ABTB2: variants seen among roughly 807,000 people sequenced by gnomAD.
ABTB2 encodes ankyrin repeat and BTB domain containing 2, also known as ankyrin repeat and BTB/POZ domain-containing protein 2.
ABTB2 carries 56 observed loss-of-function variants against 104.1 expected under a neutral mutation model. The observed-to-expected ratio is 0.54, with a 90% confidence interval of 0.43 to 0.67. ABTB2 has a LOEUF of 0.67. Among genes scored for constraint, ABTB2 ranks in the 30% least tolerant of loss-of-function variants. ABTB2 has a pLI of 0.00. For synonymous variants in ABTB2, 606 were observed against 608.2 expected (o/e 1.00, Z 0.05); for missense variants, 1,279 against 1,407.7 (o/e 0.91, Z 1.46).
chr11:34,163,568 C>G (rs1852753104), intron 9 of ABTB2, among the ~76,000 whole-genome samples: 1 of 152,176 alleles, frequency 6.6e-6, no homozygotes, highest in African/African-American at 2.4e-5. Context: ...GCCTGGGGCT[C>G]TGGGATGGAT....
intron 1 of ABTB2, among the ~76,000 whole-genome samples, chr11:34,347,515 T>A (rs575121320): frequency 6.6e-6 from 1 of 152,320 alleles, no homozygotes; most frequent in African/African-American, 2.4e-5. Flanking sequence ...GTGTATGTAT[T>A]TTTGCAATAT....
In ABTB2 at chr11:34,254,670, C is replaced by CTTT. The variant is rs57784717; in HGVS notation, c.884-49983_884-49981dup. The stretch of plus-strand genomic sequence containing the variant: ...AAATAAGGCCAGTGAATATTAGAAA[C>CTTT]TTTTTTTTTTTTTTTTTTTGAGACA... On this transcript the variant is annotated intron_variant, in intron 1 of 16. Transcript: ENST00000435224. Among the ~76,000 whole-genome samples the CTTT allele has an allele frequency of 2.2e-3, 286 of 127,658 alleles. 3 individuals are homozygous for CTTT. The highest frequency in any genetic ancestry group is 4.0e-3 in the South Asian group (15 of 3,792). 83.7% of individuals were successfully genotyped at this position (127,658 alleles called of 152,430 possible). A position where few individuals can be genotyped will look rare whatever the true frequency, so the allele number is the denominator to read the frequency against.
intron 7 of ABTB2, among the ~76,000 whole-genome samples, chr11:34,165,793 C>T (rs1347011587): frequency 6.6e-6 from 1 of 152,244 alleles, no homozygotes. Context: ...TAACCCCGAG[C>T]AGGTACTTCA....
chr11:34,295,022 A>C (rs1048931320), intron 1 of ABTB2, among the ~76,000 whole-genome samples: 4 of 152,088 alleles, frequency 2.6e-5, no homozygotes, highest in Non-Finnish European at 4.4e-5. Context: ...CCTCTACAAA[A>C]ACAATTTAAA....
chr11:34,268,793 GA>G (rs11348441), intron 1 of ABTB2, among the ~76,000 whole-genome samples: 16,980 of 152,100 alleles, frequency 0.11, 1,121 homozygotes, highest in Admixed American at 0.21. Flanking sequence ...TCGTCTGCTA[GA>G]CACAGCCCTC....
At chr11:34,296,523 AG>A (rs1854624772) in intron 1 of ABTB2, among the ~76,000 whole-genome samples, 2 of 152,224 alleles carry the variant, frequency 1.3e-5, no homozygotes, top group African/African-American at 4.8e-5. Flanking sequence ...AGTCAGATAA[AG>A]GACAGGACCA....
chr11:34,352,728 A>G (rs1237444520), intron 1 of ABTB2, among the ~76,000 whole-genome samples: 1 of 152,222 alleles, frequency 6.6e-6, no homozygotes, highest in South Asian at 2.1e-4. Context: ...TAGAATGGTT[A>G]AGAAAATTGC....
rs761932932 is a variant in ABTB2 at position 34,154,215 on chromosome 11, G to A, written c.2880+50C>T. 6.9e-7 allele frequency: 1 copy of A among 1,447,034 alleles called. No homozygotes were observed. The highest frequency in any genetic ancestry group is 1.2e-5 in the South Asian group (1 of 86,600). The allele number at this position is 1,447,034 out of a possible 1,614,324, so 89.6% of individuals were successfully genotyped here. ...GCAGCCACACGGCCGAGGCCCCCGT[G>A]GAGCAGAGCATGTGGTGGGAGGTGG... On this transcript the variant is annotated intron_variant, in intron 16 of 16. Coordinates refer to ENST00000435224, the MANE Select transcript of ABTB2 (RefSeq NM_145804.3). The surrounding 1 kb of genome is among the most constrained non-coding windows in gnomAD (Gnocchi z 4.9).
chr11:34,230,746 T>C (rs939363324), intron 1 of ABTB2, among the ~76,000 whole-genome samples: 2 of 152,234 alleles, frequency 1.3e-5, no homozygotes, highest in African/African-American at 4.8e-5. Context: ...TTTCCTCTTA[T>C]TTCCATCATG....
At chr11:34,244,648 C>T (rs1172158774) in intron 1 of ABTB2, among the ~76,000 whole-genome samples, 1 of 152,184 alleles carries the variant, frequency 6.6e-6, no homozygotes, top group Non-Finnish European at 1.5e-5. Flanking sequence ...TCCCAACCCC[C>T]AATGTACTCG....
intron 1 of ABTB2, among the ~76,000 whole-genome samples, chr11:34,279,434 A>G (rs1854423982): frequency 6.6e-6 from 1 of 152,152 alleles, no homozygotes; most frequent in Non-Finnish European, 1.5e-5. Flanking sequence ...ATAATCCTAT[A>G]AAGAGCCTAC....
intron 1 of ABTB2, among the ~76,000 whole-genome samples, chr11:34,221,968 C>A (rs979533401): frequency 6.6e-6 from 1 of 152,116 alleles, no homozygotes; most frequent in Non-Finnish European, 1.5e-5. Context: ...TAGCTTGAAC[C>A]TGGGAGGCGG....
rs541677772 is a variant in ABTB2, at chr11:34,189,208, C to T, written c.1244+8117G>A. 11 of 152,350 alleles carry T rather than the reference C, an allele frequency of 7.2e-5. No individual in the cohort carries two copies. In the East Asian group the frequency reaches 2.1e-3, roughly 29 times the overall value. 9.4% of individuals were successfully genotyped at this position (152,350 alleles called of 1,614,324 possible). The stretch of plus-strand genomic sequence containing the variant: ...GAGTGCAGTGGTTTCTACAATTAAT[C>T]GATCACAACCAGTTACAGATTTCCT... On this transcript the variant is annotated intron_variant, in intron 3 of 16. Coordinates refer to ENST00000435224, the MANE Select transcript of ABTB2 (RefSeq NM_145804.3).
At chr11:34,240,514 C>T (rs1041662157) in intron 1 of ABTB2, among the ~76,000 whole-genome samples, 1 of 152,246 alleles carries the variant, frequency 6.6e-6, no homozygotes, top group Non-Finnish European at 1.5e-5. Context: ...TAATAATTGA[C>T]ATCTGGGTTG....
At chr11:34,161,110 C>CA (rs750175782) in intron 10 of ABTB2, 29 bp from the exon 11 acceptor site, 1 of 1,579,936 alleles carries the variant, frequency 6.3e-7, no homozygotes, top group Admixed American at 1.8e-5. Flanking sequence ...GGCAGGCAGT[C>CA]ACGCACCACA....
chr11:34,221,727 C>T (rs1853626019), intron 1 of ABTB2, among the ~76,000 whole-genome samples: 1 of 152,234 alleles, frequency 6.6e-6, no homozygotes, highest in South Asian at 2.1e-4. Flanking sequence ...TGGAGTCCCA[C>T]TCACTCACTT....
At chr11:34,217,782 T>G (rs191160818) in intron 1 of ABTB2, among the ~76,000 whole-genome samples, 1 of 152,274 alleles carries the variant, frequency 6.6e-6, no homozygotes, top group East Asian at 1.9e-4. Flanking sequence ...TTTAACTCCT[T>G]TGGGCAAATA....
Position 34,162,771 on chromosome 11 carries a change from G to A in ABTB2, c.2023C>T (p.Gln675Ter). ...VLRKLLTQPQ[Q>*]AKADVLSLEE... Reference sequence around the variant, plus strand: ...AGGGACAGCACGTCCGCTTTAGCCTGCTGTGGCTGCGTCAGGAGCTTCCTC... The same window carrying A: ...AGGGACAGCACGTCCGCTTTAGCCTACTGTGGCTGCGTCAGGAGCTTCCTC... The change falls in exon 10 of 17, where the codon CAG becomes TAG. Residue 675 changes from glutamine (Q) to a stop codon, truncating the protein, a stop_gained. Transcript: ENST00000435224. LOFTEE classifies it high-confidence loss of function. The A allele has an allele frequency of 6.2e-7, 1 of 1,607,732 alleles. No individual in the cohort carries two copies. Among genetic ancestry groups the A allele is most frequent in the Non-Finnish European group, 8.5e-7 (1 of 1,179,952 alleles).
chr11:34,297,796 G>GAAAAAAAAAAAAAAAACAAAT (rs1554923796), intron 1 of ABTB2, among the ~76,000 whole-genome samples: 4 of 123,070 alleles, frequency 3.3e-5, no homozygotes, highest in East Asian at 2.4e-4. Context: ...AAAAATAAAG[G>GAAAAAAAAAAAAAAAACAAAT]AAAGAAAAAG....
Sources: allele counts gnomAD v4.1 joint callset (sites outside exome capture counted in the v4.1 genomes callset), GRCh38; gene constraint gnomAD v4.1.1; non-coding constraint Gnocchi (gnomAD v3.1); transcripts MANE v1.5; gene names NCBI Gene and HGNC (gene_info 2026-07-23, HGNC 2026-07-21).